The following KIF15 variants were observed in gnomAD, a reference collection of about 807,000 sequenced individuals.
KIF15 encodes kinesin-like protein KIF15.
A neutral mutation model predicts 190.6 loss-of-function variants in KIF15; 140 were observed. The observed-to-expected ratio is 0.73, with a 90% CI of 0.64 to 0.84. The LOEUF (loss-of-function observed/expected upper bound fraction) is 0.84, where lower values mean the gene tolerates loss of function less well. KIF15 is among the 40% of genes least tolerant of loss of function. The probability of loss-of-function intolerance (pLI) is 0.00; values close to 1 mark genes in which losing one functional copy is unlikely to be tolerated. For missense variants in KIF15, 1,372 were observed against 1,584.4 expected, an observed-to-expected ratio of 0.87 and a Z score of 2.28; for synonymous variants, 528 against 551.3, an observed-to-expected ratio of 0.96 and a Z score of 0.59.
At chr3:44,795,069 G>T (rs1193668668) in intron 8 of KIF15, among the ~76,000 whole-genome samples, 1 of 152,200 alleles carries the variant, frequency 6.6e-6, no homozygotes, top group Non-Finnish European at 1.5e-5. Context: ...AAGGAACAGA[G>T]ATTTCTTTTG....
At chr3:44,762,522 G>A (rs1705195754) in intron 1 of KIF15, among the ~76,000 whole-genome samples, 1 of 152,142 alleles carries the variant, frequency 6.6e-6, no homozygotes, top group Non-Finnish European at 1.5e-5. Context: ...CTGTGCCTGT[G>A]TACGTGCTCC....
At chr3:44,792,828 G>A (rs942564518) in intron 7 of KIF15, among the ~76,000 whole-genome samples, 8 of 152,174 alleles carry the variant, frequency 5.3e-5, no homozygotes, top group African/African-American at 1.7e-4. Context: ...TTACAGGCGT[G>A]AGCCACCGTG....
At chr3:44,804,389 A>T (rs1707401578) in intron 14 of KIF15, among the ~76,000 whole-genome samples, 1 of 152,084 alleles carries the variant, frequency 6.6e-6, no homozygotes, top group Non-Finnish European at 1.5e-5. Context: ...GAAAATTAAT[A>T]TTTTCTACCT....
At chr3:44,848,107 T>C (rs994206730) in intron 31 of KIF15, 50 bp downstream of exon 31, 1 of 1,099,008 alleles carries the variant, frequency 9.1e-7, no homozygotes, top group Non-Finnish European at 1.4e-6. Context: ...GCAATGCTTT[T>C]ATAGTTAGTA....
At chr3:44,796,257 G>A (rs1706972237) in intron 8 of KIF15, among the ~76,000 whole-genome samples, 1 of 152,160 alleles carries the variant, frequency 6.6e-6, no homozygotes, top group South Asian at 2.1e-4. Flanking sequence ...CACCTGGGAG[G>A]CTGAGGTGGG....
At chr3:44,784,725 C>A in intron 5 of KIF15, 120 bp from the exon 6 acceptor site, 1 of 629,910 alleles carries the variant, frequency 1.6e-6, no homozygotes. Context: ...ATTTAACTTG[C>A]TTGGAGCACA....
intron 10 of KIF15, among the ~76,000 whole-genome samples, chr3:44,799,945 TACTC>T (rs950938377): frequency 2.6e-5 from 4 of 152,050 alleles, no homozygotes; most frequent in Non-Finnish European, 4.4e-5. Context: ...AGGGAAATGA[TACTC>T]ACTGAGGTAT....
At chr3:44,789,270 G>A (rs1051547040) in intron 7 of KIF15, among the ~76,000 whole-genome samples, 3 of 151,482 alleles carry the variant, frequency 2.0e-5, no homozygotes, top group Non-Finnish European at 4.4e-5. Context: ...TTTTAATTAC[G>A]GTGTAGATCC....
intron 8 of KIF15, among the ~76,000 whole-genome samples, chr3:44,795,735 A>G (rs905426061): frequency 1.8e-4 from 27 of 152,176 alleles, no homozygotes; most frequent in Non-Finnish European, 1.3e-4. Context: ...TGTAGAGTCT[A>G]TAGTTTAGAA....
At chr3:44,820,801 C>T (rs1259998542) in intron 20 of KIF15, among the ~76,000 whole-genome samples, 1 of 152,162 alleles carries the variant, frequency 6.6e-6, no homozygotes, top group Admixed American at 6.5e-5. Context: ...TTCCCCACCT[C>T]TCCCCACTTT....
intron 16 of KIF15, among the ~76,000 whole-genome samples, chr3:44,806,505 G>GA (rs796140495): frequency 1.1e-3 from 161 of 150,416 alleles, no homozygotes; most frequent in African/African-American, 2.9e-3. Context: ...CCTCATAAAA[G>GA]AAAAAAAAAT....
At chr3:44,847,277 A>C (rs969690467) in intron 30 of KIF15, among the ~76,000 whole-genome samples, 1 of 152,182 alleles carries the variant, frequency 6.6e-6, no homozygotes, top group African/African-American at 2.4e-5. Context: ...TACAACATTC[A>C]GGAAGGTTCT....
intron 6 of KIF15, chr3:44,865,280 C>G (rs933072511): frequency 3.3e-6 from 5 of 1,511,630 alleles, no homozygotes; most frequent in Non-Finnish European, 4.5e-6. Context: ...GTTGTGCAGC[C>G]TTCTGACCAT....
At chr3:44,769,589 G>T (rs1171029924) in intron 1 of KIF15, among the ~76,000 whole-genome samples, 1 of 152,154 alleles carries the variant, frequency 6.6e-6, no homozygotes, top group Non-Finnish European at 1.5e-5. Context: ...AGGAGGCTTG[G>T]CTTAATCGGC....
At chr3:44,857,682 G>A (rs1399679863), downstream of KIF15, among the ~76,000 whole-genome samples, 1 of 152,116 alleles carries the variant, frequency 6.6e-6, no homozygotes, top group Non-Finnish European at 1.5e-5. Flanking sequence ...GCAAAACCAG[G>A]TATCCAAAGT....
chr3:44,763,521 C>T (rs186365192), intron 1 of KIF15, among the ~76,000 whole-genome samples: 36 of 151,460 alleles, frequency 2.4e-4, no homozygotes, highest in African/African-American at 8.5e-4. Flanking sequence ...AGGATGGTCT[C>T]GATCTCCTGA....
Position 44,852,863 on chromosome 3 carries a change from T to C in KIF15, c.*128T>C. ...CCTTAATTATTAAATGTTTATAAGG[T>C]GGTGGTAACCACCTCAAGTTTCTGA... On this transcript the variant is annotated 3_prime_UTR_variant, in exon 35 of 35. Transcript: ENST00000326047. The C allele has an allele frequency of 1.5e-6, 1 of 674,596 alleles. No homozygotes were observed. Among genetic ancestry groups the C allele is most frequent in the Non-Finnish European group, 2.4e-6 (1 of 419,552 alleles). 41.8% of individuals were successfully genotyped at this position (674,596 alleles called of 1,614,324 possible). A position where few individuals can be genotyped will look rare whatever the true frequency, so the allele number is the denominator to read the frequency against.
intron 5 of KIF15, among the ~76,000 whole-genome samples, chr3:44,781,960 G>C (rs949513511): frequency 6.6e-6 from 1 of 151,848 alleles, no homozygotes; most frequent in Admixed American, 6.6e-5. Context: ...TTTTTCTCTA[G>C]ATTTTTCATT....
At position 44,815,005 on chromosome 3, in the gene KIF15, G is replaced by GA; in HGVS notation, c.2480dup (p.Asn827LysfsTer22). The GA allele has an allele frequency of 6.2e-7, 1 of 1,612,666 alleles. No homozygotes were observed. The highest frequency in any genetic ancestry group is 1.3e-5 in the African/African-American group (1 of 74,940). On this transcript the variant is annotated frameshift_variant, in exon 20 of 35. Coordinates refer to ENST00000326047, the MANE Select transcript of KIF15 (RefSeq NM_020242.3). LOFTEE classifies it high-confidence loss of function. ...AATTGGAATATAGTTCATTCAAAACGAATCAGGAGAAAGAATTCAACAAAC... is the reference window on the plus strand; with the variant it reads ...AATTGGAATATAGTTCATTCAAAACGAAATCAGGAGAAAGAATTCAACAAAC...
Sources: gnomAD v4.1 joint callset for allele counts (sites outside exome capture counted in the v4.1 genomes callset) on GRCh38, gnomAD v4.1.1 for gene constraint, MANE v1.5 for transcripts, NCBI Gene and HGNC (gene_info 2026-07-23, HGNC 2026-07-21) for gene names.